The following MMRN1 variants were observed in gnomAD, a reference collection of about 807,000 sequenced individuals.
The protein encoded by MMRN1 is multimerin-1.
Under a neutral mutation model 100.7 loss-of-function variants are expected in MMRN1, and 94 were observed. The observed-to-expected ratio is 0.93, with a 90% confidence interval of 0.79 to 1.11. The LOEUF (loss-of-function observed/expected upper bound fraction) is 1.11, where lower values mean the gene tolerates loss of function less well. MMRN1 is among the 50% of genes least tolerant of loss of function. MMRN1 has a pLI of 0.00. For synonymous variants in MMRN1, 575 were observed against 505.0 expected (o/e 1.14, Z -1.86); for missense variants, 1,606 against 1,439.1 (o/e 1.12, Z -1.88).
At chr4:89,891,620 C>T (rs574212152), upstream of MMRN1, among the ~76,000 whole-genome samples, 173 of 152,148 alleles carry the variant, frequency 1.1e-3, no homozygotes, top group African/African-American at 4.1e-3. Context: ...CTCTTCTTCT[C>T]CAGCCCTTTT....
intron 1 of MMRN1, among the ~76,000 whole-genome samples, chr4:89,903,116 T>C (rs1578470161): frequency 6.6e-6 from 1 of 151,916 alleles, no homozygotes; most frequent in Admixed American, 6.6e-5. Flanking sequence ...TCACTAAGTG[T>C]AAATTATTGC....
At chr4:89,883,827 A>G (rs1333890933) in intron 1 of MMRN1, among the ~76,000 whole-genome samples, 1 of 152,124 alleles carries the variant, frequency 6.6e-6, no homozygotes, top group Non-Finnish European at 1.5e-5. Context: ...TACCAAGACC[A>G]TGAAGACATT....
At position 89,923,136 on chromosome 4, in the gene MMRN1, A is replaced by C. The variant is rs761760888; in HGVS notation, c.851-32A>C. 7.0e-6 allele frequency: 11 copies of C among 1,576,664 alleles called. 1 individual carries two copies. The East Asian group carries it at 2.2e-4, about 32-fold the overall frequency. ...AAAAATGAGGCTGTCCCAGTGCTTA[A>C]CTGTCTCTCTTCTCTTTCTGCTTCC... On this transcript the variant is annotated intron_variant, in intron 3 of 7. Coordinates refer to ENST00000264790, the MANE Select transcript of MMRN1 (RefSeq NM_007351.3).
intron 1 of MMRN1, among the ~76,000 whole-genome samples, chr4:89,888,417 G>A (rs1435783980): frequency 6.8e-6 from 1 of 147,320 alleles, no homozygotes; most frequent in African/African-American, 2.5e-5. Flanking sequence ...AGCTATAATT[G>A]TGTTCCCCTT....
rs1722959182 is a variant in MMRN1 at position 89,945,448 on chromosome 4, A to G, written c.3119-6157A>G. ...CACTTGGCATTTCCATGAATAATAT[A>G]TGAGAATTCTAATTGCTCCAAATTT... On this transcript the variant is annotated intron_variant, in intron 6 of 7. Coordinates refer to ENST00000264790, the MANE Select transcript of MMRN1 (RefSeq NM_007351.3). 2.0e-5 allele frequency among the ~76,000 whole-genome samples: 3 copies of G among 152,160 alleles called. No homozygotes were observed. In the South Asian group the frequency reaches 6.2e-4, roughly 31 times the overall value.
intron 1 of MMRN1, among the ~76,000 whole-genome samples, chr4:89,899,901 A>G (rs1180709016): frequency 6.6e-6 from 1 of 151,942 alleles, no homozygotes; most frequent in Non-Finnish European, 1.5e-5. Flanking sequence ...GTCTACCATA[A>G]TCCATGATCC....
upstream of MMRN1, among the ~76,000 whole-genome samples, chr4:89,893,932 T>A (rs925297053): frequency 1.3e-5 from 2 of 152,134 alleles, no homozygotes; most frequent in Admixed American, 6.5e-5. Context: ...AAATGATAAA[T>A]CTCATGAAAC....
At chr4:89,909,908 G>C (rs1416104809) in intron 2 of MMRN1, among the ~76,000 whole-genome samples, 2 of 151,452 alleles carry the variant, frequency 1.3e-5, no homozygotes, top group African/African-American at 4.8e-5. Context: ...CATGTCATTT[G>C]ATTATCATTT....
At chr4:89,927,570 T>A (rs1196822101) in intron 4 of MMRN1, among the ~76,000 whole-genome samples, 1 of 152,156 alleles carries the variant, frequency 6.6e-6, no homozygotes, top group Non-Finnish European at 1.5e-5. Context: ...GAAGGATAAT[T>A]TGACCCCTTC....
upstream of MMRN1, among the ~76,000 whole-genome samples, chr4:89,890,945 C>T (rs1223405364): frequency 6.6e-6 from 1 of 151,530 alleles, no homozygotes; most frequent in Admixed American, 6.6e-5. Flanking sequence ...ATTAATTGTC[C>T]ATCTTCCCTT....
In MMRN1 at chr4:89,899,932, G is replaced by T. The variant is rs376515721; in HGVS notation, c.623+4338G>T. 6.6e-5 allele frequency among the ~76,000 whole-genome samples: 10 copies of T among 151,982 alleles called. No homozygotes were observed. In the East Asian group the frequency reaches 1.2e-3, roughly 18 times the overall value. ...GATCCACAAAAGGGAGGGATCTTTT[G>T]AACATTTAAGTCAGATTAATGCATT... On this transcript the variant is annotated intron_variant, in intron 1 of 7. Transcript: ENST00000264790.
rs368641237 is a variant in MMRN1 at position 89,936,087 on chromosome 4, G to C, written c.2407G>C (p.Ala803Pro). ...GAGATATAACTTTGTTTTGCAAGTC[G>C]CCAAGACCCTTGCAGGTATTCCCAG... ...NQRYNFVLQV[A>P]KTLAGIPRDE... The change falls in exon 6 of 8, where the codon GCC (alanine) becomes CCC (proline). Residue 803 changes from alanine (A) to proline (P), a missense_variant. By Grantham distance (27) the Ala-to-Pro change is conservative. Transcript: ENST00000264790. The C allele has an allele frequency of 3.1e-6, 5 of 1,611,968 alleles. No individual in the cohort carries two copies. Among genetic ancestry groups the C allele is most frequent in the Non-Finnish European group, 4.2e-6 (5 of 1,179,318 alleles).
chr4:89,932,163 G>A (rs755688849), intron 5 of MMRN1, among the ~76,000 whole-genome samples: 1 of 152,144 alleles, frequency 6.6e-6, no homozygotes, highest in African/African-American at 2.4e-5. Flanking sequence ...CGGGCCTCAC[G>A]CAAGTCCGAA....
upstream of MMRN1, among the ~76,000 whole-genome samples, chr4:89,891,284 T>C (rs533950176): frequency 4.6e-5 from 7 of 152,180 alleles, no homozygotes; most frequent in African/African-American, 1.4e-4. Flanking sequence ...TTTTTTCTTT[T>C]GTGTGGCTAT....
At chr4:89,922,550 G>T (rs919084168) in intron 3 of MMRN1, among the ~76,000 whole-genome samples, 2 of 152,114 alleles carry the variant, frequency 1.3e-5, no homozygotes, top group African/African-American at 2.4e-5. Context: ...TTCTTCAGTA[G>T]AGTAGATTTA....
In MMRN1 at chr4:89,935,016, G is replaced by T. The variant is rs942928493; in HGVS notation, c.1336G>T (p.Val446Leu). 2.5e-6 allele frequency: 4 copies of T among 1,612,920 alleles called. No individual in the cohort carries two copies. The highest frequency in any genetic ancestry group is 3.4e-6 in the Non-Finnish European group (4 of 1,179,552). The change falls in exon 6 of 8, where the codon GTG (valine) becomes TTG (leucine). Residue 446 changes from valine to leucine, a missense_variant. Coordinates refer to ENST00000264790, the MANE Select transcript of MMRN1 (RefSeq NM_007351.3). ...SIAAQQKFVLVQENRPTLTDI... is the reference protein window; with the variant it reads ...SIAAQQKFVLLQENRPTLTDI... ...AGCAGCCCAGCAAAAGTTTGTTTTG[G>T]TGCAAGAGAATCGGCCCACTTTGAC...
chr4:89,949,689 T>A (rs1431055071), intron 6 of MMRN1, among the ~76,000 whole-genome samples: 1 of 152,236 alleles, frequency 6.6e-6, no homozygotes, highest in Non-Finnish European at 1.5e-5. Flanking sequence ...AAATAGTTTA[T>A]AGAATATTGC....
intron 3 of MMRN1, among the ~76,000 whole-genome samples, chr4:89,913,921 C>T (rs1041044170): frequency 6.6e-6 from 1 of 151,372 alleles, no homozygotes; most frequent in African/African-American, 2.4e-5. Context: ...TGTCATACAA[C>T]CAATTCTAAT....
rs1413040880 is a variant in MMRN1, at chr4:89,954,116, A to AG, written c.*699dup. 6.6e-5 allele frequency: 10 copies of AG among 152,220 alleles called. No individual in the cohort carries two copies. The highest frequency in any genetic ancestry group is 3.9e-4 in the Admixed American group (6 of 15,252). The allele number at this position is 152,220 out of a possible 1,614,324, so 9.4% of individuals were successfully genotyped here. A position where few individuals can be genotyped will look rare whatever the true frequency, so the allele number is the denominator to read the frequency against. The stretch of plus-strand genomic sequence containing the variant: ...CCCACAACATCTATAAGGGGCAAAA[A>AG]GTCTTTTTCTAATAAGTATTCTTCT... On this transcript the variant is annotated 3_prime_UTR_variant, in exon 8 of 8. Coordinates refer to ENST00000264790, the MANE Select transcript of MMRN1 (RefSeq NM_007351.3).
Sources: gnomAD v4.1 joint callset for allele counts (sites outside exome capture counted in the v4.1 genomes callset) on GRCh38, gnomAD v4.1.1 for gene constraint, MANE v1.5 for transcripts, NCBI Gene and HGNC (gene_info 2026-07-23, HGNC 2026-07-21) for gene names.